DENND2B: variants seen among roughly 807,000 people sequenced by gnomAD.
The protein encoded by DENND2B is DENN domain containing 2B.
DENND2B carries 32 observed loss-of-function variants against 116.0 expected under a neutral mutation model. The observed-to-expected ratio is 0.28, with a 90% CI of 0.21 to 0.37. The LOEUF (loss-of-function observed/expected upper bound fraction) is 0.37. Ranked by LOEUF, DENND2B falls within the 10% of genes least tolerant of loss-of-function variation. The pLI, the probability that DENND2B is intolerant of heterozygous loss-of-function variation, is 1.00. For synonymous variants in DENND2B, 588 were observed against 583.9 expected, an observed-to-expected ratio of 1.01 and a Z score of -0.10; for missense variants, 1,276 against 1,477.7, an observed-to-expected ratio of 0.86 and a Z score of 2.24.
intron 4 of DENND2B, chr11:8,832,585 A>ACTGCG (rs11280648): frequency 0.26 from 39,495 of 152,124 alleles, 5,381 homozygotes; most frequent in Middle Eastern, 0.42. Flanking sequence ...TCTCAGTGGA[A>ACTGCG]CTAGCATTCC....
intron 1 of DENND2B, among the ~76,000 whole-genome samples, chr11:8,896,981 G>A (rs555169396): frequency 4.9e-4 from 75 of 152,312 alleles, no homozygotes; most frequent in South Asian, 1.7e-3. Context: ...CTCATGCCTT[G>A]TAATCCCAGC....
At chr11:8,743,056 C>T (rs2050509167) in intron 2 of DENND2B, among the ~76,000 whole-genome samples, 1 of 151,336 alleles carries the variant, frequency 6.6e-6, no homozygotes, top group Admixed American at 6.6e-5. Context: ...AAGAGCGAAA[C>T]TCCATCTCAG....
chr11:8,897,316 G>A (rs1349477713), intron 1 of DENND2B, among the ~76,000 whole-genome samples: 1 of 151,748 alleles, frequency 6.6e-6, no homozygotes, highest in East Asian at 1.9e-4. Flanking sequence ...CATTTATAAA[G>A]GAAAAAAATC....
intron 4 of DENND2B, among the ~76,000 whole-genome samples, chr11:8,830,350 T>C (rs538777022): frequency 6.6e-6 from 1 of 152,328 alleles, no homozygotes; most frequent in South Asian, 2.1e-4. Context: ...AAGTTTTCTG[T>C]GGTTTTAAGA....
At chr11:8,855,906 A>G (rs2063177447) in intron 3 of DENND2B, among the ~76,000 whole-genome samples, 1 of 152,192 alleles carries the variant, frequency 6.6e-6, no homozygotes, top group African/African-American at 2.4e-5. Flanking sequence ...CCAGCAAACT[A>G]GACAGCTGCC....
intron 2 of DENND2B, among the ~76,000 whole-genome samples, chr11:8,866,733 G>A (rs184124621): frequency 6.6e-6 from 1 of 152,132 alleles, no homozygotes; most frequent in African/African-American, 2.4e-5. Flanking sequence ...AGGAACTTCT[G>A]AATAAATGGC....
At chr11:8,744,116 A>G (rs2050768327) in intron 2 of DENND2B, among the ~76,000 whole-genome samples, 1 of 151,636 alleles carries the variant, frequency 6.6e-6, no homozygotes, top group African/African-American at 2.4e-5. Context: ...AAAATGATTC[A>G]TAAGAAACCC....
chr11:8,749,169 T>A (rs1430923627), intron 2 of DENND2B, among the ~76,000 whole-genome samples: 2 of 152,188 alleles, frequency 1.3e-5, no homozygotes, highest in Non-Finnish European at 2.9e-5. Flanking sequence ...CCCAACAACA[T>A]GGTTCCCAGG....
chr11:8,834,461 G>A (rs2062340544), intron 4 of DENND2B, among the ~76,000 whole-genome samples: 1 of 152,132 alleles, frequency 6.6e-6, no homozygotes, highest in Non-Finnish European at 1.5e-5. Context: ...ATGCGATCCT[G>A]TCATAATTAC....
intron 1 of DENND2B, chr11:8,895,416 G>T (rs2064088919): frequency 6.6e-6 from 1 of 152,026 alleles, no homozygotes; most frequent in Admixed American, 6.6e-5. Flanking sequence ...AAAAAAAATG[G>T]ATGGACATTC....
chr11:8,906,121 T>C (rs977226584), intron 1 of DENND2B, among the ~76,000 whole-genome samples: 2 of 151,926 alleles, frequency 1.3e-5, no homozygotes, highest in Non-Finnish European at 2.9e-5. Context: ...CTCTGTAAAT[T>C]TACAAAAAAT....
intron 2 of DENND2B, among the ~76,000 whole-genome samples, chr11:8,743,546 T>A (rs907902016): frequency 1.3e-5 from 2 of 151,638 alleles, no homozygotes; most frequent in Admixed American, 1.3e-4. Context: ...TGAGACCCTG[T>A]CTCAAAAAAA....
At chr11:8,737,515 G>A (rs2049278537) in intron 2 of DENND2B, among the ~76,000 whole-genome samples, 1 of 152,154 alleles carries the variant, frequency 6.6e-6, no homozygotes, top group African/African-American at 2.4e-5. Flanking sequence ...AGGAAGGGAA[G>A]CACGACTGGA....
chr11:8,740,229 A>T (rs1364954258), intron 2 of DENND2B, among the ~76,000 whole-genome samples: 1 of 151,962 alleles, frequency 6.6e-6, no homozygotes, highest in African/African-American at 2.4e-5. Context: ...GAAAAGAAAA[A>T]GCATCATGTG....
chr11:8,730,991 C>G lies in DENND2B; in HGVS notation c.299G>C (p.Gly100Ala). 6.2e-7 allele frequency: 1 copy of G among 1,614,234 alleles called. No homozygotes were observed. The highest frequency in any genetic ancestry group is 8.5e-7 in the Non-Finnish European group (1 of 1,180,050). Residue 100 changes from glycine to alanine, a missense_variant, in exon 3 of 20, where the codon GGT becomes GCT. By Grantham distance (60) the Gly-to-Ala change is moderately conservative. Coordinates refer to ENST00000313726, the MANE Select transcript of DENND2B (RefSeq NM_213618.2). The surrounding 1 kb of genome is among the most constrained non-coding windows in gnomAD (Gnocchi z 4.1). Reference sequence around the variant, plus strand: ...CGCCGAAGGGCTTCTGTCCAAATAACCGAAGCTGGCGGTCTTGAAGGGACA... The same window carrying G: ...CGCCGAAGGGCTTCTGTCCAAATAAGCGAAGCTGGCGGTCTTGAAGGGACA... ...PTCPFKTASFGYLDRSPSACK... is the reference protein window; with the variant it reads ...PTCPFKTASFAYLDRSPSACK...
intron 2 of DENND2B, among the ~76,000 whole-genome samples, chr11:8,733,504 C>G (rs116755625): frequency 3.3e-5 from 5 of 152,334 alleles, no homozygotes; most frequent in African/African-American, 1.2e-4. Flanking sequence ...TTCATGTCCT[C>G]GTGAAGCTTA....
chr11:8,807,080 G>A (rs1252499300), intron 1 of DENND2B, among the ~76,000 whole-genome samples: 1 of 151,964 alleles, frequency 6.6e-6, no homozygotes, highest in East Asian at 1.9e-4. Flanking sequence ...AGGCACAGAA[G>A]GAAGGCCAAG....
At chr11:8,695,409 C>T in intron 19 of DENND2B, 54 bp downstream of exon 19, 3 of 1,531,952 alleles carry the variant, frequency 2.0e-6, no homozygotes, top group South Asian at 1.1e-5. Flanking sequence ...CACAAATCTC[C>T]CAGCCCCTTC....
In DENND2B at chr11:8,889,225, C is replaced by T. The variant is rs1283100074; in HGVS notation, c.-255-8116G>A. The stretch of plus-strand genomic sequence containing the variant: ...GATAAGCAAATGTGGTATGTGCATA[C>T]AACAGAATATTATTCAGCCTTAAAA... On this transcript the variant is annotated intron_variant, in intron 1 of 22. Transcript: ENST00000534127. 2.0e-5 allele frequency among the ~76,000 whole-genome samples: 3 copies of T among 152,196 alleles called. No homozygotes were observed. In the East Asian group the frequency reaches 5.8e-4, roughly 29 times the overall value.
Sources: gnomAD v4.1 joint callset for allele counts (sites outside exome capture counted in the v4.1 genomes callset) on GRCh38, gnomAD v4.1.1 for gene constraint, Gnocchi (gnomAD v3.1) non-coding constraint, MANE v1.5 for transcripts, NCBI Gene and HGNC (gene_info 2026-07-23, HGNC 2026-07-21) for gene names.